The following PPP6R2 variants were observed in gnomAD, a reference collection of about 807,000 sequenced individuals.
PPP6R2 encodes protein phosphatase 6 regulatory subunit 2.
Under a neutral mutation model 100.2 loss-of-function variants are expected in PPP6R2, and 62 were observed. The observed-to-expected ratio is 0.62, with a 90% CI of 0.50 to 0.76. PPP6R2 has a LOEUF of 0.76. Ranked by LOEUF, PPP6R2 falls within the 30% of genes least tolerant of loss-of-function variation. The probability of loss-of-function intolerance (pLI) is 0.00; values close to 1 mark genes in which losing one functional copy is unlikely to be tolerated. For synonymous variants in PPP6R2, 525 were observed against 514.7 expected (o/e 1.02, Z -0.27); for missense variants, 1,142 against 1,276.3 (o/e 0.89, Z 1.60).
At chr22:50,413,416 C>T (rs1660707444) in intron 4 of PPP6R2, among the ~76,000 whole-genome samples, 1 of 152,112 alleles carries the variant, frequency 6.6e-6, no homozygotes, top group Admixed American at 6.6e-5. Flanking sequence ...ATCACTTGAG[C>T]TCAGAAGGTG....
intron 3 of PPP6R2, among the ~76,000 whole-genome samples, chr22:50,406,285 A>G (rs1333966439): frequency 2.1e-5 from 3 of 142,490 alleles, no homozygotes; most frequent in Admixed American, 7.0e-5. Flanking sequence ...GGGAGGTGAG[A>G]GGCCTGGAGA....
At chr22:50,361,107 C>G (rs143094046) in intron 1 of PPP6R2, among the ~76,000 whole-genome samples, 2 of 152,214 alleles carry the variant, frequency 1.3e-5, no homozygotes, top group Admixed American at 1.3e-4. Context: ...TGCTCTGACC[C>G]TTTCTCAGCT....
chr22:50,354,679 A>G (rs1282146014), intron 1 of PPP6R2, among the ~76,000 whole-genome samples: 30 of 151,874 alleles, frequency 2.0e-4, no homozygotes, highest in Admixed American at 2.0e-3. Flanking sequence ...TACAAAAATT[A>G]GCCGGGCATG....
At chr22:50,352,736 A>AAAACAT (rs1300496867) in intron 1 of PPP6R2, among the ~76,000 whole-genome samples, 6 of 118,184 alleles carry the variant, frequency 5.1e-5, no homozygotes, top group Non-Finnish European at 8.8e-5. Context: ...AACAAAAACA[A>AAAACAT]AAACAAAAAA....
chr22:50,437,672 G>A, intron 16 of PPP6R2, 69 bp downstream of exon 16: 2 of 1,441,708 alleles, frequency 1.4e-6, no homozygotes, highest in Non-Finnish European at 1.9e-6. Context: ...CGTGGAGGCA[G>A]CTCCCTGAGG....
intron 3 of PPP6R2, among the ~76,000 whole-genome samples, chr22:50,400,007 C>T (rs773921452): frequency 6.6e-6 from 1 of 152,224 alleles, no homozygotes; most frequent in African/African-American, 2.4e-5. Context: ...ACCAAGCTGT[C>T]GCTTTCATTA....
chr22:50,443,961 C>A lies in PPP6R2; in HGVS notation c.2675C>A (p.Thr892Asn), dbSNP rs780039920. The change falls in exon 23 of 24, where the codon ACT (threonine) becomes AAT (asparagine). Residue 892 changes from threonine (T) to asparagine (N), a missense_variant. Thr to Asn is a moderately conservative substitution (Grantham distance 65). This residue lies in a region of PPP6R2 where 550 missense variants were observed against 517.4 expected (regional missense o/e 1.06). Transcript: ENST00000612753. ...APAVAVPPEA[T>N]VAITTALSKA... The stretch of plus-strand genomic sequence containing the variant: ...GCCGTGGCTGTGCCCCCCGAGGCTA[C>A]TGTGGCCATCACCACAGCACTGAGC... 2.5e-6 allele frequency: 4 copies of A among 1,611,946 alleles called. No homozygotes were observed. Among genetic ancestry groups the A allele is most frequent in the Non-Finnish European group, 3.4e-6 (4 of 1,179,532 alleles).
chr22:50,442,430 G>A (rs185991965), intron 22 of PPP6R2, among the ~76,000 whole-genome samples: 7 of 152,360 alleles, frequency 4.6e-5, no homozygotes, highest in Non-Finnish European at 8.8e-5. Context: ...CGGGAAACGG[G>A]GCCAAGGCCG....
rs1224972023 is a variant in PPP6R2, at chr22:50,444,537, GGGGT to G, written c.*294_*297del. On this transcript the variant is annotated 3_prime_UTR_variant, in exon 24 of 24. Coordinates refer to ENST00000612753, the MANE Select transcript of PPP6R2 (RefSeq NM_001242898.2). ...GCCTGCAGGAGCCGGGGTGGGGGTG[GGGGT>G]GGGGGGGGCAGGACCCTGAGATGCC... 29 of 355,188 alleles carry G rather than the reference GGGGT, an allele frequency of 8.2e-5. No homozygotes were observed. Among genetic ancestry groups the G allele is most frequent in the Admixed American group, 1.9e-4 (4 of 20,858 alleles). 22.0% of individuals were successfully genotyped at this position (355,188 alleles called of 1,614,324 possible). A position where few individuals can be genotyped will look rare whatever the true frequency, so the allele number is the denominator to read the frequency against.
At chr22:50,414,519 C>T (rs372110676) in intron 4 of PPP6R2, 33 bp from the exon 5 acceptor site, 15 of 1,608,328 alleles carry the variant, frequency 9.3e-6, no homozygotes, top group African/African-American at 1.3e-5. Flanking sequence ...TCAGGGTCGG[C>T]CCCGCCTGCC....
At chr22:50,340,838 A>G (rs1052602771), upstream of PPP6R2, among the ~76,000 whole-genome samples, 3 of 151,922 alleles carry the variant, frequency 2.0e-5, no homozygotes, top group African/African-American at 7.3e-5. Flanking sequence ...TGTGGGCAAC[A>G]GCAGGGACTT....
chr22:50,424,964 T>C (rs1368546875), intron 10 of PPP6R2, among the ~76,000 whole-genome samples: 1 of 152,258 alleles, frequency 6.6e-6, no homozygotes, highest in Non-Finnish European at 1.5e-5. Context: ...AAAAGAATTC[T>C]GTCTTCCACT....
intron 3 of PPP6R2, among the ~76,000 whole-genome samples, chr22:50,395,833 C>T (rs1397624575): frequency 2.0e-5 from 3 of 150,092 alleles, no homozygotes; most frequent in Non-Finnish European, 1.5e-5. Flanking sequence ...TCCCAAAGTG[C>T]TGGGATTATA....
At chr22:50,413,328 C>A (rs1247209266) in intron 4 of PPP6R2, among the ~76,000 whole-genome samples, 1 of 152,034 alleles carries the variant, frequency 6.6e-6, no homozygotes, top group Non-Finnish European at 1.5e-5. Flanking sequence ...AAAATTGTTT[C>A]TATTAATTTC....
At chr22:50,425,538 G>A (rs745556679) in intron 10 of PPP6R2, among the ~76,000 whole-genome samples, 1 of 152,200 alleles carries the variant, frequency 6.6e-6, no homozygotes, top group Non-Finnish European at 1.5e-5. Context: ...ATACCTATGA[G>A]GCCAGGTCAT....
chr22:50,435,132 C>G (rs2273256), intron 13 of PPP6R2, 51 bp downstream of exon 13: 2 of 1,413,176 alleles, frequency 1.4e-6, no homozygotes, highest in East Asian at 5.3e-5. Flanking sequence ...ACCGGGACCC[C>G]GAAGGAGCTG....
intron 18 of PPP6R2, 89 bp downstream of exon 18, chr22:50,438,387 G>A: frequency 2.6e-6 from 4 of 1,543,706 alleles, no homozygotes; most frequent in Non-Finnish European, 2.6e-6. Flanking sequence ...TCGTTAGCTG[G>A]CTTGCAGAGC....
intron 1 of PPP6R2, among the ~76,000 whole-genome samples, chr22:50,366,738 C>T (rs893602650): frequency 6.6e-6 from 1 of 151,870 alleles, no homozygotes. Flanking sequence ...GAGCTCTGCC[C>T]TCTGGTGTTC....
intron 16 of PPP6R2, 67 bp downstream of exon 16, chr22:50,437,670 C>T (rs1437248679): frequency 1.2e-5 from 18 of 1,446,364 alleles, no homozygotes; most frequent in Non-Finnish European, 1.6e-5. Flanking sequence ...CCCGTGGAGG[C>T]AGCTCCCTGA....
Sources: gnomAD v4.1 joint callset for allele counts (sites outside exome capture counted in the v4.1 genomes callset) on GRCh38, gnomAD v4.1.1 for gene constraint, gnomAD v4.1.1 regional missense constraint, MANE v1.5 for transcripts, NCBI Gene and HGNC (gene_info 2026-07-23, HGNC 2026-07-21) for gene names.